Variants in MARCHF1 observed in about 807,000 individuals in gnomAD.
MARCHF1 encodes membrane associated ring-CH-type finger 1.
In MARCHF1, 40 loss-of-function variants were observed where a neutral mutation model predicts 54.2. The ratio of observed to expected loss-of-function variants is 0.74; its 90% CI spans 0.57 to 0.96. MARCHF1 has a LOEUF of 0.96. MARCHF1 is among the 40% of genes least tolerant of loss of function. MARCHF1 has a pLI of 0.00. For missense variants in MARCHF1, 586 were observed against 656.5 expected (o/e 0.89, Z 1.17); for synonymous variants, 236 against 236.3 (o/e 1.00, Z 0.01).
chr4:164,331,602 T>A (rs1579726801), intron 1 of MARCHF1, among the ~76,000 whole-genome samples: 2 of 152,344 alleles, frequency 1.3e-5, no homozygotes, highest in East Asian at 3.9e-4. Flanking sequence ...CTTAACACGT[T>A]GTTTTATAAA....
At chr4:164,054,499 A>G (rs1754444698) in intron 2 of MARCHF1, among the ~76,000 whole-genome samples, 1 of 152,108 alleles carries the variant, frequency 6.6e-6, no homozygotes, top group Non-Finnish European at 1.5e-5. Flanking sequence ...GGCATTATTC[A>G]CGATAGCAAA....
chr4:163,696,184 G>C (rs1302317858), intron 5 of MARCHF1, among the ~76,000 whole-genome samples: 2 of 151,960 alleles, frequency 1.3e-5, no homozygotes, highest in African/African-American at 4.8e-5. Context: ...ATTTTGCAAG[G>C]ACCATAAAAT....
chr4:164,060,277 G>T (rs1308736495), intron 2 of MARCHF1, among the ~76,000 whole-genome samples: 1 of 151,990 alleles, frequency 6.6e-6, no homozygotes, highest in Admixed American at 6.6e-5. Context: ...CTGAGTACAG[G>T]CTACAGAAAC....
chr4:163,555,906 T>C (rs777384304), intron 8 of MARCHF1: 1 of 456,186 alleles, frequency 2.2e-6, no homozygotes, highest in South Asian at 1.5e-5. Context: ...GGTCACTCTC[T>C]GTGCCTAAGT....
intron 1 of MARCHF1, among the ~76,000 whole-genome samples, chr4:164,206,717 T>C (rs537206219): frequency 3.3e-5 from 5 of 152,260 alleles, no homozygotes; most frequent in African/African-American, 9.6e-5. Context: ...GAAGAATATT[T>C]TATTTTCAAA....
intron 4 of MARCHF1, among the ~76,000 whole-genome samples, chr4:163,844,337 G>A (rs1749426050): frequency 6.6e-6 from 1 of 152,146 alleles, no homozygotes; most frequent in Admixed American, 6.6e-5. Flanking sequence ...TTTGTTGGAT[G>A]CATAGCTTGT....
intron 2 of MARCHF1, among the ~76,000 whole-genome samples, chr4:164,054,501 G>T (rs1224221376): frequency 6.6e-6 from 1 of 150,704 alleles, no homozygotes; most frequent in Non-Finnish European, 1.5e-5. Flanking sequence ...CATTATTCAC[G>T]ATAGCAAAGA....
chr4:163,529,112 T>C, intron 9 of MARCHF1, 66 bp from the exon 10 acceptor site: 1 of 1,296,600 alleles, frequency 7.7e-7, no homozygotes, highest in East Asian at 2.4e-5. Flanking sequence ...CATTTTTTTT[T>C]TCTATGACCC....
intron 4 of MARCHF1, among the ~76,000 whole-genome samples, chr4:163,723,919 A>C (rs1164287831): frequency 6.6e-6 from 1 of 152,126 alleles, no homozygotes; most frequent in East Asian, 1.9e-4. Context: ...TTAGTTAGCC[A>C]TTCGTCTAAT....
intron 3 of MARCHF1, among the ~76,000 whole-genome samples, chr4:163,938,330 A>C (rs770606784): frequency 1.3e-5 from 2 of 152,192 alleles, no homozygotes; most frequent in Non-Finnish European, 1.5e-5. Flanking sequence ...GCAAATTACT[A>C]TCTCCTCCCT....
At chr4:163,748,660 A>G (rs1746430289) in intron 4 of MARCHF1, among the ~76,000 whole-genome samples, 1 of 152,192 alleles carries the variant, frequency 6.6e-6, no homozygotes, top group Non-Finnish European at 1.5e-5. Context: ...GCCCATTGCC[A>G]GGTGATCCAT....
chr4:163,713,776 G>T (rs544289676), intron 4 of MARCHF1, among the ~76,000 whole-genome samples: 45 of 152,272 alleles, frequency 3.0e-4, no homozygotes, highest in Admixed American at 5.2e-4. Context: ...CCCCAGTAAG[G>T]ATAAGGACAC....
intron 1 of MARCHF1, among the ~76,000 whole-genome samples, chr4:164,140,892 C>T (rs892809961): frequency 6.6e-6 from 1 of 152,166 alleles, no homozygotes; most frequent in African/African-American, 2.4e-5. Context: ...CTAACCTGAA[C>T]ATGACCTCCT....
chr4:163,636,013 A>T (rs1034448370), intron 5 of MARCHF1, among the ~76,000 whole-genome samples: 20 of 152,196 alleles, frequency 1.3e-4, no homozygotes, highest in Non-Finnish European at 2.8e-4. Context: ...ATCTCAATAG[A>T]TGCAGAAAAG....
chr4:163,844,019 T>G (rs1339057384), intron 4 of MARCHF1, among the ~76,000 whole-genome samples: 1 of 152,098 alleles, frequency 6.6e-6, no homozygotes, highest in East Asian at 1.9e-4. Flanking sequence ...ACAAGTACAG[T>G]TTTGTTACAT....
At chr4:164,005,903 A>G (rs947481184) in intron 2 of MARCHF1, among the ~76,000 whole-genome samples, 1 of 152,186 alleles carries the variant, frequency 6.6e-6, no homozygotes, top group African/African-American at 2.4e-5. Context: ...TAGCAGTCCT[A>G]TCTAAGGAAT....
At chr4:164,355,578 C>G (rs1180831531) in intron 1 of MARCHF1, among the ~76,000 whole-genome samples, 1 of 81,488 alleles carries the variant, frequency 1.2e-5, no homozygotes, top group Non-Finnish European at 2.5e-5. Context: ...AAAGCTGAAA[C>G]TGGATCCCTT....
chr4:164,087,508 G>A (rs1056054634), intron 2 of MARCHF1, among the ~76,000 whole-genome samples: 7 of 152,198 alleles, frequency 4.6e-5, no homozygotes, highest in African/African-American at 1.7e-4. Context: ...AGATAGTCAG[G>A]TAAATAGATT....
chr4:163,590,874 G>A (rs1037222034), intron 7 of MARCHF1, among the ~76,000 whole-genome samples: 5 of 151,798 alleles, frequency 3.3e-5, no homozygotes, highest in South Asian at 2.1e-4. Flanking sequence ...GGGAAACACT[G>A]GTGTGGCTAT....
Sources: allele counts gnomAD v4.1 joint callset (sites outside exome capture counted in the v4.1 genomes callset), GRCh38; gene constraint gnomAD v4.1.1; transcripts MANE v1.5; gene names NCBI Gene and HGNC (gene_info 2026-07-23, HGNC 2026-07-21).